The following NT5DC1 variants were observed in gnomAD, a reference collection of about 807,000 sequenced individuals.
NT5DC1 encodes 5'-nucleotidase domain-containing protein 1.
Under a neutral mutation model 59.4 loss-of-function variants are expected in NT5DC1, and 42 were observed. That is an observed-to-expected ratio of 0.71 (90% CI 0.55 to 0.92). The LOEUF is 0.92. NT5DC1 is among the 40% of genes least tolerant of loss of function. NT5DC1 has a pLI of 0.00. For synonymous variants in NT5DC1, 172 were observed against 188.1 expected, an observed-to-expected ratio of 0.91 and a Z score of 0.70; for missense variants, 501 against 537.1, an observed-to-expected ratio of 0.93 and a Z score of 0.66.
intron 6 of NT5DC1, among the ~76,000 whole-genome samples, chr6:116,210,780 T>C (rs1285027267): frequency 2.0e-5 from 3 of 152,036 alleles, no homozygotes; most frequent in Admixed American, 6.6e-5. Context: ...ATTCCTCAGA[T>C]ACAATGCTGA....
chr6:116,145,119 T>C (rs1192436184), intron 6 of NT5DC1, among the ~76,000 whole-genome samples: 2 of 152,202 alleles, frequency 1.3e-5, no homozygotes, highest in Non-Finnish European at 2.9e-5. Flanking sequence ...GGTTTCTGTC[T>C]TGAAGCATTA....
intron 1 of NT5DC1, 73 bp downstream of exon 1, chr6:116,101,096 T>A (rs1778637239): frequency 4.4e-6 from 5 of 1,139,900 alleles, no homozygotes; most frequent in Non-Finnish European, 5.0e-6. Flanking sequence ...TCCTCCAGGT[T>A]TGGGCAACGG....
intron 8 of NT5DC1, among the ~76,000 whole-genome samples, chr6:116,233,901 C>T (rs1313911844): frequency 6.6e-6 from 1 of 151,730 alleles, no homozygotes; most frequent in African/African-American, 2.4e-5. Flanking sequence ...AGCAAATTAT[C>T]ATCACCATCT....
chr6:116,188,356 T>A (rs536636796), intron 6 of NT5DC1, among the ~76,000 whole-genome samples: 12 of 152,088 alleles, frequency 7.9e-5, no homozygotes, highest in Non-Finnish European at 1.8e-4. Context: ...CCATCCAGAA[T>A]GTTCTTAGTG....
At chr6:116,195,620 G>A (rs1429745222) in intron 6 of NT5DC1, among the ~76,000 whole-genome samples, 1 of 151,932 alleles carries the variant, frequency 6.6e-6, no homozygotes, top group African/African-American at 2.4e-5. Context: ...TACATAATCA[G>A]GGGTTAGAAA....
At chr6:116,241,939 C>CAA (rs1280732737) in intron 11 of NT5DC1, among the ~76,000 whole-genome samples, 2 of 12,028 alleles carry the variant, frequency 1.7e-4, no homozygotes, top group Non-Finnish European at 3.0e-4. Context: ...AAAAAAAAAA[C>CAA]AAAACAAAAA....
At chr6:116,121,063 G>A in intron 6 of NT5DC1, 2 of 1,614,066 alleles carry the variant, frequency 1.2e-6, no homozygotes, top group Middle Eastern at 1.7e-4. Flanking sequence ...GGCTACCCGG[G>A]ATGCCTTTTG....
chr6:116,108,629 G>A (rs2114900896), intron 3 of NT5DC1, among the ~76,000 whole-genome samples, 194 bp downstream of exon 3: 1 of 152,228 alleles, frequency 6.6e-6, no homozygotes, highest in South Asian at 2.1e-4. Context: ...AGATTTAAAG[G>A]TCTAGTTCCT....
chr6:116,203,989 A>G (rs1781396223), intron 6 of NT5DC1, among the ~76,000 whole-genome samples: 1 of 151,894 alleles, frequency 6.6e-6, no homozygotes, highest in Non-Finnish European at 1.5e-5. Context: ...TGATCATCAA[A>G]TATACCTATT....
intron 6 of NT5DC1, among the ~76,000 whole-genome samples, chr6:116,154,370 C>T (rs1287156907): frequency 6.6e-6 from 1 of 152,092 alleles, no homozygotes; most frequent in Non-Finnish European, 1.5e-5. Context: ...CATGGTCACC[C>T]AGTTTCCCCT....
chr6:116,124,975 C>T (rs1220207728), intron 6 of NT5DC1, among the ~76,000 whole-genome samples: 3 of 152,092 alleles, frequency 2.0e-5, no homozygotes, highest in Non-Finnish European at 2.9e-5. Flanking sequence ...CTTCTTTATA[C>T]AATTGGCAGT....
In NT5DC1 at chr6:116,234,803, G is replaced by A. The variant is rs1016695078; in HGVS notation, c.803-2163G>A. Among the ~76,000 whole-genome samples the A allele has an allele frequency of 5.9e-5, 9 of 152,296 alleles. No individual in the cohort carries two copies. The South Asian group carries it at 1.9e-3, about 32-fold the overall frequency. ...TGAGTTTGTTCCTCTGTACTGTACA[G>A]CTTCCACCTCAGTTCTGCGGCTTTC... On this transcript the variant is annotated intron_variant, in intron 8 of 11. Coordinates refer to ENST00000319550, the MANE Select transcript of NT5DC1 (RefSeq NM_152729.3).
chr6:116,211,535 G>T (rs1324631652), intron 6 of NT5DC1, among the ~76,000 whole-genome samples: 3 of 151,720 alleles, frequency 2.0e-5, no homozygotes, highest in Non-Finnish European at 2.9e-5. Flanking sequence ...TTGTATATTT[G>T]GTTATTCTTA....
At chr6:116,195,637 T>C (rs1781206698) in intron 6 of NT5DC1, among the ~76,000 whole-genome samples, 1 of 152,080 alleles carries the variant, frequency 6.6e-6, no homozygotes, top group Non-Finnish European at 1.5e-5. Context: ...GAAAGATGGC[T>C]GGCTATCAGA....
chr6:116,195,046 A>G (rs754199563), intron 6 of NT5DC1, among the ~76,000 whole-genome samples: 1 of 152,024 alleles, frequency 6.6e-6, no homozygotes, highest in Non-Finnish European at 1.5e-5. Context: ...CTCTCTCTAT[A>G]TTCTGCTTTG....
intron 6 of NT5DC1, among the ~76,000 whole-genome samples, chr6:116,142,155 T>A (rs9488849): frequency 0.27 from 41,772 of 151,972 alleles, 6,866 homozygotes; most frequent in African/African-American, 0.45. Flanking sequence ...CTCTTTCTAA[T>A]ATATGAAACT....
intron 6 of NT5DC1, among the ~76,000 whole-genome samples, chr6:116,166,368 T>C (rs1780466688): frequency 6.6e-6 from 1 of 152,166 alleles, no homozygotes; most frequent in Non-Finnish European, 1.5e-5. Flanking sequence ...TTTTGATACA[T>C]GGTGGTTGGA....
Position 116,126,262 on chromosome 6 carries a change from C to T in NT5DC1, c.529+8317C>T, listed in dbSNP as rs1221183901. ...GGTGGAAAGTTCTATTGGGTAGGCA[C>T]ACAAGATCGGGCTGGGCTCTCCTTT... On this transcript the variant is annotated intron_variant, in intron 6 of 11. Coordinates refer to ENST00000319550, the MANE Select transcript of NT5DC1 (RefSeq NM_152729.3). 2.6e-5 allele frequency: 4 copies of T among 152,232 alleles called. No individual in the cohort carries two copies. In the East Asian group the frequency reaches 5.8e-4, roughly 22 times the overall value. The allele number at this position is 152,232 out of a possible 1,614,324, so 9.4% of individuals were successfully genotyped here. A position where few individuals can be genotyped will look rare whatever the true frequency, so the allele number is the denominator to read the frequency against.
At chr6:116,172,710 G>T (rs1324460336) in intron 6 of NT5DC1, among the ~76,000 whole-genome samples, 1 of 152,064 alleles carries the variant, frequency 6.6e-6, no homozygotes, top group Admixed American at 6.6e-5. Context: ...CATAAGAAAA[G>T]ATTATTTCCT....
Sources: gnomAD v4.1 joint callset for allele counts (sites outside exome capture counted in the v4.1 genomes callset) on GRCh38, gnomAD v4.1.1 for gene constraint, MANE v1.5 for transcripts, NCBI Gene and HGNC (gene_info 2026-07-23, HGNC 2026-07-21) for gene names.